MFSD8: variants seen among roughly 807,000 people sequenced by gnomAD.
MFSD8 encodes major facilitator superfamily domain containing 8.
Under a neutral mutation model 66.4 loss-of-function variants are expected in MFSD8, and 55 were observed. The observed-to-expected ratio is 0.83, with a 90% CI of 0.67 to 1.04. MFSD8 has a LOEUF of 1.04. MFSD8 is among the 50% of genes least tolerant of loss of function. The pLI, the probability that MFSD8 is intolerant of heterozygous loss-of-function variation, is 0.00. For missense variants in MFSD8, 550 were observed against 627.6 expected (o/e 0.88, Z 1.32); for synonymous variants, 202 against 212.8 (o/e 0.95, Z 0.44).
intron 3 of MFSD8, among the ~76,000 whole-genome samples, chr4:127,946,098 A>T (rs1740985211): frequency 1.3e-5 from 2 of 151,762 alleles, no homozygotes; most frequent in Admixed American, 6.6e-5. Flanking sequence ...AACTTTTTAA[A>T]TTTTTTTGTA....
In MFSD8 at chr4:127,939,956, TCA is replaced by T. The variant is rs1407346059; in HGVS notation, c.593_594del (p.Val198AspfsTer6). 6.8e-6 allele frequency: 11 copies of T among 1,613,594 alleles called. No homozygotes were observed. The highest frequency in any genetic ancestry group is 9.3e-6 in the Non-Finnish European group (11 of 1,179,756). ...TCFTFLGEKG[V>X]TWDVIKLQIN... ...ATCTGCAGTTTAATCACATCCCATG[TCA>T]CACCTTTTTCTCCAAGGAATGTAAA... On this transcript the variant is annotated frameshift_variant, in exon 6 of 12. Transcript: ENST00000641686. LOFTEE classifies it high-confidence loss of function.
intron 1 of MFSD8, among the ~76,000 whole-genome samples, chr4:127,961,789 C>G (rs1413348665): frequency 6.8e-6 from 1 of 146,382 alleles, no homozygotes; most frequent in East Asian, 2.0e-4. Context: ...CCACTGCACT[C>G]CAGCCTGGGT....
At position 127,943,733 on chromosome 4, in the gene MFSD8, C is replaced by T. The variant is rs761703170; in HGVS notation, c.439+19G>A. On this transcript the variant is annotated intron_variant, in intron 4 of 11. Transcript: ENST00000641686. ...TGAATGTGAATATGACACAACCAAA[C>T]ATATACATACAACCTTACCTGCTCC... 3.1e-6 allele frequency: 5 copies of T among 1,613,948 alleles called. No homozygotes were observed. In the South Asian group the frequency reaches 4.4e-5, roughly 14 times the overall value.
At chr4:127,947,047 G>A (rs909734349) in intron 3 of MFSD8, among the ~76,000 whole-genome samples, 4 of 152,014 alleles carry the variant, frequency 2.6e-5, no homozygotes, top group South Asian at 4.1e-4. Flanking sequence ...AAAGGGAAAC[G>A]GGAGTATACA....
intron 2 of MFSD8, among the ~76,000 whole-genome samples, chr4:127,955,911 G>A (rs1300474229): frequency 6.6e-6 from 1 of 151,982 alleles, no homozygotes; most frequent in Non-Finnish European, 1.5e-5. Flanking sequence ...GAGGTCACGA[G>A]ATCGAGACCA....
intron 5 of MFSD8, among the ~76,000 whole-genome samples, chr4:127,940,386 A>G (rs941452969): frequency 6.6e-6 from 1 of 151,940 alleles, no homozygotes; most frequent in African/African-American, 2.4e-5. Flanking sequence ...TTTTTTACAA[A>G]ACATCTCCAT....
rs1205727919 is a variant in MFSD8 at position 127,938,600 on chromosome 4, TAAATAA to T, written c.754+177_754+182del. Among the ~76,000 whole-genome samples the T allele has an allele frequency of 3.0e-3, 365 of 121,174 alleles. 8 individuals carry two copies. The highest frequency in any genetic ancestry group is 0.03 in the East Asian group (94 of 3,144). The allele number at this position is 121,174 out of a possible 152,430, so 79.5% of individuals were successfully genotyped here. Reference sequence around the variant, plus strand: ...TCTGTCTCAAAAAAAAAAAAATAAATAAATAAATAAATAAATAAATAAATAAATAAA... The same window carrying T: ...TCTGTCTCAAAAAAAAAAAAATAAATATAAATAAATAAATAAATAAATAAA... On this transcript the variant is annotated intron_variant, in intron 7 of 11. Transcript: ENST00000641686.
intron 2 of MFSD8, among the ~76,000 whole-genome samples, chr4:127,951,892 C>G (rs187255220): frequency 5.1e-4 from 78 of 151,732 alleles, no homozygotes; most frequent in African/African-American, 1.8e-3. Flanking sequence ...CCACACCCAG[C>G]TAATTTTTTG....
At chr4:127,937,166 G>A (rs1739224998) in intron 7 of MFSD8, among the ~76,000 whole-genome samples, 1 of 152,114 alleles carries the variant, frequency 6.6e-6, no homozygotes, top group African/African-American at 2.4e-5. Flanking sequence ...TGCTGCCATA[G>A]TGTGTTTCAC....
chr4:127,937,794 T>C (rs1023355296), intron 7 of MFSD8, among the ~76,000 whole-genome samples: 1 of 152,214 alleles, frequency 6.6e-6, no homozygotes, highest in Non-Finnish European at 1.5e-5. Flanking sequence ...ACCACTCTGC[T>C]CTACTACATT....
At position 127,957,522 on chromosome 4, in the gene MFSD8, TAAGATATA is replaced by T; in HGVS notation, c.125_132del (p.Leu42TyrfsTer24). The T allele has an allele frequency of 6.2e-7, 1 of 1,609,634 alleles. No individual in the cohort carries two copies. Among genetic ancestry groups the T allele is most frequent in the South Asian group, 1.1e-5 (1 of 90,894 alleles). On this transcript the variant is annotated frameshift_variant, in exon 2 of 12. Transcript: ENST00000641686. LOFTEE classifies it high-confidence loss of function. ...TTACCTACACTGCTGAGAAACATAG[TAAGATATA>T]AAATCCTAATAGATCTCCATCGGCT...
chr4:127,924,349 T>A (rs1369603932), intron 9 of MFSD8, among the ~76,000 whole-genome samples: 1 of 152,050 alleles, frequency 6.6e-6, no homozygotes, highest in Non-Finnish European at 1.5e-5. Flanking sequence ...GTGGGACCAG[T>A]GGTGCCCAAA....
At chr4:127,925,832 A>G (rs1050114952) in intron 9 of MFSD8, among the ~76,000 whole-genome samples, 1 of 152,232 alleles carries the variant, frequency 6.6e-6, no homozygotes, top group African/African-American at 2.4e-5. Context: ...AAGACTTGGA[A>G]CCAACCCAAA....
At chr4:127,944,629 G>C (rs1412193262) in intron 3 of MFSD8, among the ~76,000 whole-genome samples, 2 of 151,982 alleles carry the variant, frequency 1.3e-5, no homozygotes, top group Non-Finnish European at 2.9e-5. Context: ...AATAGAAAAT[G>C]TTAGCTTAGA....
At chr4:127,952,877 A>G (rs888201897) in intron 2 of MFSD8, among the ~76,000 whole-genome samples, 3 of 152,056 alleles carry the variant, frequency 2.0e-5, no homozygotes, top group Admixed American at 6.6e-5. Context: ...CTCAAAAAAA[A>G]AAAAAAAAAA....
At chr4:127,943,289 A>AGAGACATG (rs1447771128) in intron 4 of MFSD8, 39 of 192,990 alleles carry the variant, frequency 2.0e-4, no homozygotes, top group African/African-American at 8.6e-4. Context: ...AGCAAGTGCC[A>AGAGACATG]GAGACATGTC....
At position 127,921,964 on chromosome 4, in the gene MFSD8, C is replaced by T. The variant is rs2148841537; in HGVS notation, c.999-1G>A. 1 of 1,613,156 alleles carries T rather than the reference C, an allele frequency of 6.2e-7. No individual in the cohort carries two copies. Among genetic ancestry groups the T allele is most frequent in the Non-Finnish European group, 8.5e-7 (1 of 1,179,278 alleles). ...CAGTAGAATAGCACGCTCGCCAATC[C>T]TGTTAAAGAACAGAAACTCTGTAAT... On this transcript the variant is annotated splice_acceptor_variant, in intron 9 of 11. Coordinates refer to ENST00000641686, the MANE Select transcript of MFSD8 (RefSeq NM_001371596.2). LOFTEE classifies it high-confidence loss of function.
chr4:127,965,119 C>T lies in MFSD8; in HGVS notation c.15G>A (p.Arg5=), dbSNP rs762559863. Reference sequence around the variant, plus strand: ...AGAGCGGCTCCTGTTCACTTTCGTTCCGCAGGCCGGCCATAGTTACACTCC... The same window carrying T: ...AGAGCGGCTCCTGTTCACTTTCGTTTCGCAGGCCGGCCATAGTTACACTCC... MAGL[R]NESEQEPLLG... is the part of the protein sequence containing the mutation. Residue 5 remains arginine (R), a synonymous_variant, in exon 1 of 12, where the codon CGG becomes CGA. Coordinates refer to ENST00000641686, the MANE Select transcript of MFSD8 (RefSeq NM_001371596.2). 2.5e-6 allele frequency: 4 copies of T among 1,613,968 alleles called. No individual in the cohort carries two copies. In the South Asian group the frequency reaches 3.3e-5, roughly 13 times the overall value.
chr4:127,961,195 C>A (rs902557718), intron 1 of MFSD8, among the ~76,000 whole-genome samples: 2 of 152,068 alleles, frequency 1.3e-5, no homozygotes, highest in Non-Finnish European at 1.5e-5. Context: ...GTGAACAGGT[C>A]CTGCCAACTA....
Sources: allele counts gnomAD v4.1 joint callset (sites outside exome capture counted in the v4.1 genomes callset), GRCh38; gene constraint gnomAD v4.1.1; transcripts MANE v1.5; gene names NCBI Gene and HGNC (gene_info 2026-07-23, HGNC 2026-07-21).